The following PPHLN1 variants were observed in gnomAD, a reference collection of about 807,000 sequenced individuals.
PPHLN1 encodes the protein periphilin 1, also known as periphilin-1.
In PPHLN1, 29 loss-of-function variants were observed where a neutral mutation model predicts 51.3. That is an observed-to-expected ratio of 0.57 (90% confidence interval 0.42 to 0.77). The LOEUF (loss-of-function observed/expected upper bound fraction) is 0.77, where lower values mean the gene tolerates loss of function less well. Ranked by LOEUF, PPHLN1 falls within the 30% of genes least tolerant of loss-of-function variation. PPHLN1 has a pLI of 0.00. For synonymous variants in PPHLN1, 147 were observed against 147.8 expected (o/e 0.99, Z 0.04); for missense variants, 436 against 438.4 (o/e 0.99, Z 0.05).
At chr12:42,372,637 G>A (rs950911937) in intron 4 of PPHLN1, among the ~76,000 whole-genome samples, 2 of 151,866 alleles carry the variant, frequency 1.3e-5, no homozygotes, top group Admixed American at 6.6e-5. Context: ...TTAGCCCCAC[G>A]TTCTAGGCCT....
rs1163100782 is a variant in PPHLN1, at chr12:42,435,477, AC to A, written c.910-5837del. Among the ~76,000 whole-genome samples, 4 of 152,308 alleles carry A rather than the reference AC, an allele frequency of 2.6e-5. No homozygotes were observed. The East Asian group carries it at 7.7e-4, about 29-fold the overall frequency. ...AGATATCTTTTTCTATTAATACAGC[AC>A]AAGCAGCAACATAGATTACAATAGT... On this transcript the variant is annotated intron_variant, in intron 9 of 9. Coordinates refer to ENST00000358314, the MANE Select transcript of PPHLN1 (RefSeq NM_201439.2).
intron 8 of PPHLN1, among the ~76,000 whole-genome samples, chr12:42,398,225 A>C (rs1592717672): frequency 6.6e-6 from 1 of 152,268 alleles, no homozygotes; most frequent in South Asian, 2.1e-4. Context: ...TATTGGTCTA[A>C]AACTGAAGTG....
chr12:42,421,031 T>G (rs1197242171), intron 9 of PPHLN1, among the ~76,000 whole-genome samples: 1 of 152,096 alleles, frequency 6.6e-6, no homozygotes, highest in African/African-American at 2.4e-5. Context: ...TTGAACAGAT[T>G]TATTCACTGA....
At chr12:42,420,392 GTGTT>G (rs2080882092) in intron 9 of PPHLN1, among the ~76,000 whole-genome samples, 1 of 151,184 alleles carries the variant, frequency 6.6e-6, no homozygotes, top group South Asian at 2.1e-4. Flanking sequence ...TTGTGTGTGT[GTGTT>G]TGTCTCTTTT....
At chr12:42,419,982 C>T (rs2080838714) in intron 9 of PPHLN1, among the ~76,000 whole-genome samples, 1 of 152,202 alleles carries the variant, frequency 6.6e-6, no homozygotes, top group South Asian at 2.1e-4. Flanking sequence ...TATAGGATAT[C>T]ATAGTCAAAA....
chr12:42,406,302 G>A (rs968874897), intron 9 of PPHLN1, among the ~76,000 whole-genome samples: 11 of 151,644 alleles, frequency 7.3e-5, no homozygotes, highest in Admixed American at 4.6e-4. Flanking sequence ...GGACGGTCTC[G>A]ATCTCCTGAC....
chr12:42,423,838 A>C (rs1347759764), intron 9 of PPHLN1, among the ~76,000 whole-genome samples: 1 of 152,046 alleles, frequency 6.6e-6, no homozygotes, highest in Non-Finnish European at 1.5e-5. Context: ...CACCACACCC[A>C]GCTAATTTTT....
chr12:42,446,075 CCCCCGCAGG>C (rs904338303), downstream of PPHLN1: 8 of 1,549,760 alleles, frequency 5.2e-6, no homozygotes, highest in Non-Finnish European at 7.0e-6. Flanking sequence ...GGCCCCGCAG[CCCCCGCAGG>C]CCCCGCAGCC....
intron 9 of PPHLN1, among the ~76,000 whole-genome samples, chr12:42,418,709 T>C (rs1055415175): frequency 2.0e-5 from 3 of 152,220 alleles, no homozygotes; most frequent in African/African-American, 4.8e-5. Context: ...CTGACCAATC[T>C]AAGTAGTTCT....
chr12:42,339,636 T>C (rs747400737), intron 2 of PPHLN1, among the ~76,000 whole-genome samples: 5 of 152,220 alleles, frequency 3.3e-5, no homozygotes, highest in Non-Finnish European at 5.9e-5. Context: ...TAAGTGCACT[T>C]ACATTTGAGA....
chr12:42,433,980 G>A (rs909248707), intron 9 of PPHLN1, among the ~76,000 whole-genome samples: 1 of 152,160 alleles, frequency 6.6e-6, no homozygotes, highest in Admixed American at 6.5e-5. Flanking sequence ...AAAGTTCAGG[G>A]TTTGGAGAGC....
intron 2 of PPHLN1, among the ~76,000 whole-genome samples, chr12:42,350,949 T>A (rs1165873629): frequency 6.8e-6 from 1 of 146,882 alleles, no homozygotes; most frequent in Non-Finnish European, 1.5e-5. Context: ...AGGGAGACCC[T>A]GGAAAGCAGG....
intron 5 of PPHLN1, among the ~76,000 whole-genome samples, chr12:42,382,503 GGTA>G (rs1369317376): frequency 1.3e-5 from 2 of 152,112 alleles, no homozygotes; most frequent in East Asian, 3.9e-4. Flanking sequence ...CAAGCAGGGA[GGTA>G]GTGTCTGCTT....
intron 6 of PPHLN1, 112 bp from the exon 7 acceptor site, chr12:42,387,344 A>C: frequency 8.8e-7 from 1 of 1,138,422 alleles, no homozygotes; most frequent in Middle Eastern, 3.1e-4. Flanking sequence ...TGTAATGAAA[A>C]GTTTTAGTAC....
At chr12:42,368,903 A>G (rs2075537137) in intron 4 of PPHLN1, among the ~76,000 whole-genome samples, 1 of 152,232 alleles carries the variant, frequency 6.6e-6, no homozygotes, top group Non-Finnish European at 1.5e-5. Flanking sequence ...TCTGTGGGAA[A>G]TATGAAGCTG....
At chr12:42,404,544 C>CAACAACAACAACAACAACAACAACA (rs1419612333) in intron 9 of PPHLN1, among the ~76,000 whole-genome samples, 1 of 151,924 alleles carries the variant, frequency 6.6e-6, no homozygotes, top group African/African-American at 2.4e-5. Flanking sequence ...ACAACAACAA[C>CAACAACAACAACAACAACAACAACA]AACAACAAAA....
intron 9 of PPHLN1, 25 bp from the exon 10 acceptor site, chr12:42,441,290 A>T: frequency 6.3e-7 from 1 of 1,581,180 alleles, no homozygotes; most frequent in Non-Finnish European, 8.6e-7. Flanking sequence ...ATTCTCAGCT[A>T]ACCAGAATGT....
intron 2 of PPHLN1, among the ~76,000 whole-genome samples, chr12:42,336,316 C>A (rs1262408605): frequency 1.3e-5 from 2 of 152,076 alleles, no homozygotes; most frequent in Non-Finnish European, 2.9e-5. Flanking sequence ...TTGGCTGTTA[C>A]CTATTTTTTT....
chr12:42,430,347 G>A (rs967709653), intron 9 of PPHLN1, among the ~76,000 whole-genome samples: 6 of 150,670 alleles, frequency 4.0e-5, no homozygotes, highest in South Asian at 2.1e-4. Context: ...CTGTCCCCCC[G>A]CCACCCTTAA....
Sources: gnomAD v4.1 joint callset for allele counts (sites outside exome capture counted in the v4.1 genomes callset) on GRCh38, gnomAD v4.1.1 for gene constraint, MANE v1.5 for transcripts, NCBI Gene and HGNC (gene_info 2026-07-23, HGNC 2026-07-21) for gene names.